WNT3: variants seen among roughly 807,000 people sequenced by gnomAD.
WNT3 encodes Wnt family member 3.
In WNT3, 7 loss-of-function variants were observed where a neutral mutation model predicts 34.2. The ratio of observed to expected loss-of-function variants is 0.20; its 90% CI spans 0.12 to 0.38. The LOEUF (loss-of-function observed/expected upper bound fraction) is 0.38, where lower values mean the gene tolerates loss of function less well. Among genes scored for constraint, WNT3 ranks in the 10% least tolerant of loss-of-function variants. WNT3 has a pLI of 1.00. For synonymous variants in WNT3, 212 were observed against 211.5 expected (o/e 1.00, Z -0.02); for missense variants, 267 against 499.8 (o/e 0.53, Z 4.44).
intron 4 of WNT3, among the ~76,000 whole-genome samples, chr17:46,766,589 T>C (rs914707324): frequency 2.0e-5 from 3 of 152,068 alleles, no homozygotes; most frequent in Non-Finnish European, 4.4e-5. Context: ...ACCTGCTGCC[T>C]TTCTGGACTG....
At chr17:46,807,414 G>A (rs771852551) in intron 1 of WNT3, among the ~76,000 whole-genome samples, 7 of 152,090 alleles carry the variant, frequency 4.6e-5, no homozygotes, top group Non-Finnish European at 1.0e-4. Context: ...CCCGGGAGGC[G>A]GAGGTTGCAG....
In WNT3 at chr17:46,789,257, A is replaced by G. The variant is rs541569444; in HGVS notation, c.81-15348T>C. ...GCACTGGCCACCAGGGCTGGCACCT[A>G]CCTGGACTGTCCCATCCACTCTCTT... is the stretch of plus-strand genomic sequence containing the variant. On this transcript the variant is annotated intron_variant, in intron 1 of 4. Coordinates refer to ENST00000225512, the MANE Select transcript of WNT3 (RefSeq NM_030753.5). Among the ~76,000 whole-genome samples the G allele has an allele frequency of 1.1e-3, 169 of 152,190 alleles. 1 individual carries two copies. Among genetic ancestry groups the G allele is most frequent in the South Asian group, 0.011 (52 of 4,814 alleles).
At chr17:46,810,714 G>T (rs988002318) in intron 1 of WNT3, among the ~76,000 whole-genome samples, 3 of 151,926 alleles carry the variant, frequency 2.0e-5, no homozygotes, top group African/African-American at 4.8e-5. Context: ...AGGCACAGAT[G>T]GTCCAAATAG....
intron 2 of WNT3, among the ~76,000 whole-genome samples, chr17:46,771,343 G>A (rs893005651): frequency 7.9e-5 from 12 of 151,876 alleles, no homozygotes; most frequent in Non-Finnish European, 1.6e-4. Context: ...CCCAATCCTA[G>A]ACGCCCCAGC....
intron 1 of WNT3, among the ~76,000 whole-genome samples, chr17:46,779,101 A>ACCCCCCC (rs1226625742): frequency 7.1e-6 from 1 of 139,976 alleles, no homozygotes; most frequent in Admixed American, 7.8e-5. Flanking sequence ...ACACACACAC[A>ACCCCCCC]CACCCCAGCC....
chr17:46,806,000 TAAC>T (rs2084189507), intron 1 of WNT3, among the ~76,000 whole-genome samples: 1 of 152,124 alleles, frequency 6.6e-6, no homozygotes, highest in East Asian at 1.9e-4. Context: ...AGAATGGGGA[TAAC>T]AAGAGTCTCT....
At chr17:46,806,029 C>T (rs1039441424) in intron 1 of WNT3, among the ~76,000 whole-genome samples, 4 of 152,050 alleles carry the variant, frequency 2.6e-5, no homozygotes, top group African/African-American at 4.8e-5. Flanking sequence ...CTGGGGTTGT[C>T]GGGAGGATGA....
intron 1 of WNT3, among the ~76,000 whole-genome samples, chr17:46,812,977 C>T (rs2146467389): frequency 6.6e-6 from 1 of 152,190 alleles, no homozygotes; most frequent in Admixed American, 6.5e-5. Context: ...TTAACTTGCC[C>T]TAGTTACCCA....
At chr17:46,818,382 G>A in intron 1 of WNT3, 136 bp downstream of exon 1, 2 of 814,212 alleles carry the variant, frequency 2.5e-6, no homozygotes, top group East Asian at 5.5e-5. Flanking sequence ...TCCAGGAGGG[G>A]TGGGCGGGTG....
intron 2 of WNT3, 49 bp downstream of exon 2, chr17:46,773,619 T>TGCCTGCC: frequency 3.6e-6 from 2 of 549,848 alleles, no homozygotes; most frequent in Non-Finnish European, 6.5e-6. Context: ...ACAGTCCTGA[T>TGCCTGCC]CCCTCCCCCC....
chr17:46,794,970 T>C (rs1263119705), intron 1 of WNT3, among the ~76,000 whole-genome samples: 2 of 151,964 alleles, frequency 1.3e-5, no homozygotes, highest in African/African-American at 4.8e-5. Flanking sequence ...AGGCTGGTCT[T>C]GAACTCCTGA....
intron 1 of WNT3, among the ~76,000 whole-genome samples, chr17:46,783,485 CCCAG>C (rs1195609888): frequency 6.6e-6 from 1 of 152,210 alleles, no homozygotes; most frequent in Non-Finnish European, 1.5e-5. Context: ...CTGAGGAGCA[CCCAG>C]CCCAGGAGGC....
intron 1 of WNT3, among the ~76,000 whole-genome samples, chr17:46,784,469 G>A (rs2059485603): frequency 6.6e-6 from 1 of 152,062 alleles, no homozygotes; most frequent in Non-Finnish European, 1.5e-5. Flanking sequence ...CACACGGTGG[G>A]AGGACACTGA....
At chr17:46,782,048 G>A (rs1023023683) in intron 1 of WNT3, among the ~76,000 whole-genome samples, 2 of 152,210 alleles carry the variant, frequency 1.3e-5, no homozygotes, top group African/African-American at 2.4e-5. Flanking sequence ...GGGTGGAGCT[G>A]CAGAAGGTGG....
intron 3 of WNT3, among the ~76,000 whole-genome samples, chr17:46,769,418 A>G (rs77215392): frequency 6.6e-6 from 1 of 152,228 alleles, no homozygotes; most frequent in Non-Finnish European, 1.5e-5. Context: ...GACTCACCCT[A>G]GATCATACAA....
intron 1 of WNT3, among the ~76,000 whole-genome samples, chr17:46,788,328 C>T (rs1003383033): frequency 3.9e-5 from 6 of 152,218 alleles, no homozygotes; most frequent in Admixed American, 1.3e-4. Flanking sequence ...GTCAGTCTCC[C>T]ATTTTACAGA....
At chr17:46,771,799 G>A (rs1245111178) in intron 2 of WNT3, among the ~76,000 whole-genome samples, 2 of 143,114 alleles carry the variant, frequency 1.4e-5, no homozygotes, top group African/African-American at 5.0e-5. Context: ...AATGGCCAGA[G>A]GGCGTGTGAA....
At chr17:46,773,936 C>T (rs1180563982) in intron 1 of WNT3, 27 bp from the exon 2 acceptor site, 2 of 1,607,160 alleles carry the variant, frequency 1.2e-6, no homozygotes, top group Admixed American at 1.7e-5. Context: ...GGTAGTAACA[C>T]TGTGGGCACA....
intron 1 of WNT3, among the ~76,000 whole-genome samples, chr17:46,791,801 A>T (rs1168513416): frequency 2.0e-5 from 3 of 147,960 alleles, no homozygotes; most frequent in Non-Finnish European, 4.5e-5. Flanking sequence ...GCACTTCAGA[A>T]TTTCGAGGCA....
Sources: gnomAD v4.1 joint callset for allele counts (sites outside exome capture counted in the v4.1 genomes callset) on GRCh38, gnomAD v4.1.1 for gene constraint, MANE v1.5 for transcripts, NCBI Gene and HGNC (gene_info 2026-07-23, HGNC 2026-07-21) for gene names.